Variants in CPXM2 observed in about 807,000 individuals in gnomAD.
CPXM2 encodes inactive carboxypeptidase-like protein X2.
A neutral mutation model predicts 86.1 loss-of-function variants in CPXM2; 66 were observed. That is an observed-to-expected ratio of 0.77 (90% confidence interval 0.63 to 0.94). The LOEUF is 0.94. Among genes scored for constraint, CPXM2 ranks in the 40% least tolerant of loss-of-function variants. The pLI is 0.00. For synonymous variants in CPXM2, 388 were observed against 400.2 expected (o/e 0.97, Z 0.36); for missense variants, 948 against 1,026.3 (o/e 0.92, Z 1.04).
rs1945275485 is a variant in CPXM2 at position 123,891,641 on chromosome 10, C to CA, written c.18_19insT (p.Ala7CysfsTer28). Reference sequence around the variant, plus strand: ...AGCACCAGGGCCAGCGCTGGGGTAGCGGTCCCCGGGCGGGACATGCCTGCT... The same window carrying CA: ...AGCACCAGGGCCAGCGCTGGGGTAGCAGGTCCCCGGGCGGGACATGCCTGCT... On this transcript the variant is annotated frameshift_variant, in exon 1 of 14. Transcript: ENST00000241305. LOFTEE classifies it high-confidence loss of function. The surrounding 1 kb of genome is among the most constrained non-coding windows in gnomAD (Gnocchi z 5.6). The CA allele has an allele frequency of 4.8e-6, 7 of 1,451,622 alleles. No homozygotes were observed. Among genetic ancestry groups the CA allele is most frequent in the Non-Finnish European group, 4.5e-6 (5 of 1,101,580 alleles). 89.9% of individuals were successfully genotyped at this position (1,451,622 alleles called of 1,614,324 possible).
At chr10:123,789,212 C>T (rs2134047406) in intron 6 of CPXM2, among the ~76,000 whole-genome samples, 1 of 152,310 alleles carries the variant, frequency 6.6e-6, no homozygotes, top group East Asian at 1.9e-4. Context: ...GCTGCGGACC[C>T]CCAGGCACAG....
upstream of CPXM2, among the ~76,000 whole-genome samples, chr10:123,892,871 GCAGGCTCCTC>G (rs1344862529): frequency 2.6e-5 from 4 of 152,182 alleles, no homozygotes; most frequent in Non-Finnish European, 5.9e-5. Flanking sequence ...CATGTCTTCT[GCAGGCTCCTC>G]CAGGCCTCTC....
At chr10:123,909,032 C>T (rs773930236) in intron 2 of CPXM2, among the ~76,000 whole-genome samples, 3 of 152,206 alleles carry the variant, frequency 2.0e-5, no homozygotes, top group Non-Finnish European at 2.9e-5. Flanking sequence ...TTGTAATAAC[C>T]TAATGCATTG....
intron 11 of CPXM2, among the ~76,000 whole-genome samples, chr10:123,758,359 C>A (rs902849656): frequency 6.6e-6 from 1 of 152,118 alleles, no homozygotes; most frequent in African/African-American, 2.4e-5. Context: ...ACTCTTGCAG[C>A]TTCTGGGGGC....
intron 3 of CPXM2, among the ~76,000 whole-genome samples, chr10:123,857,695 G>A (rs1277222493): frequency 6.6e-6 from 1 of 152,076 alleles, no homozygotes; most frequent in Non-Finnish European, 1.5e-5. Flanking sequence ...GAGCTGCTGA[G>A]TTGAAGGCTA....
At chr10:123,884,744 C>T (rs913258887) in intron 1 of CPXM2, among the ~76,000 whole-genome samples, 1 of 152,200 alleles carries the variant, frequency 6.6e-6, no homozygotes, top group Non-Finnish European at 1.5e-5. Flanking sequence ...CTCTCTGTCT[C>T]TCTTTCTCTC....
intron 2 of CPXM2, among the ~76,000 whole-genome samples, chr10:123,870,367 G>C (rs79034032): frequency 0.04 from 6,151 of 152,284 alleles, 171 homozygotes; most frequent in East Asian, 0.11. Context: ...CTCAGAGTCC[G>C]AGGCCCTGTA....
chr10:123,869,230 C>T (rs555878342), intron 2 of CPXM2, among the ~76,000 whole-genome samples: 156 of 152,326 alleles, frequency 1.0e-3, no homozygotes, highest in African/African-American at 3.6e-3. Flanking sequence ...CATCCCTCAG[C>T]AGTGTTCTGC....
intron 13 of CPXM2, among the ~76,000 whole-genome samples, chr10:123,748,995 G>A (rs1335692117): frequency 2.6e-5 from 4 of 152,186 alleles, no homozygotes; most frequent in Admixed American, 6.5e-5. Flanking sequence ...CTCAACATGC[G>A]TGCCATTTAT....
At chr10:123,765,505 T>C (rs892352920) in intron 10 of CPXM2, among the ~76,000 whole-genome samples, 3 of 152,254 alleles carry the variant, frequency 2.0e-5, no homozygotes, top group African/African-American at 7.2e-5. Flanking sequence ...GGTCTAAGTG[T>C]TCCCAAAGTA....
intron 2 of CPXM2, among the ~76,000 whole-genome samples, chr10:123,928,598 G>A (rs1157517178): frequency 2.0e-5 from 3 of 152,178 alleles, no homozygotes; most frequent in Non-Finnish European, 4.4e-5. Flanking sequence ...GCTTTGTTCT[G>A]TTAGGACATT....
intron 10 of CPXM2, among the ~76,000 whole-genome samples, chr10:123,763,439 G>A (rs1340403113): frequency 6.6e-6 from 1 of 151,936 alleles, no homozygotes; most frequent in African/African-American, 2.4e-5. Flanking sequence ...CTCCCACTCG[G>A]AGGCACCCAC....
intron 6 of CPXM2, among the ~76,000 whole-genome samples, chr10:123,783,080 G>C (rs941482879): frequency 1.3e-5 from 2 of 152,174 alleles, no homozygotes; most frequent in Non-Finnish European, 2.9e-5. Context: ...ACCTTATATG[G>C]TCTAAAAATG....
At chr10:123,907,929 G>A (rs1032533043) in intron 2 of CPXM2, among the ~76,000 whole-genome samples, 1 of 152,168 alleles carries the variant, frequency 6.6e-6, no homozygotes, top group African/African-American at 2.4e-5. Flanking sequence ...GGGGAAGCAG[G>A]AGGAAGGAAG....
chr10:123,876,825 C>G (rs979941657), intron 2 of CPXM2, among the ~76,000 whole-genome samples: 1 of 152,202 alleles, frequency 6.6e-6, no homozygotes, highest in African/African-American at 2.4e-5. Context: ...GTGTGCTACA[C>G]TGTGCAGACA....
intron 11 of CPXM2, among the ~76,000 whole-genome samples, chr10:123,760,172 G>A (rs577861570): frequency 9.2e-5 from 14 of 152,246 alleles, no homozygotes; most frequent in Admixed American, 3.9e-4. Context: ...GTGCTTGTGC[G>A]GCAGCCAACT....
chr10:123,748,830 G>A (rs762810699), intron 13 of CPXM2, among the ~76,000 whole-genome samples: 22 of 152,074 alleles, frequency 1.4e-4, no homozygotes, highest in Middle Eastern at 3.4e-3. Context: ...TGACAAGCCC[G>A]AGCGAGCCAC....
intron 2 of CPXM2, among the ~76,000 whole-genome samples, chr10:123,869,625 C>T (rs1944857942): frequency 6.6e-6 from 1 of 152,200 alleles, no homozygotes; most frequent in African/African-American, 2.4e-5. Flanking sequence ...CAGCCCCATG[C>T]TCTATTCCTC....
In CPXM2 at chr10:123,788,008, G is replaced by A. The variant is rs1025609423; in HGVS notation, c.890-7753C>T. Among the ~76,000 whole-genome samples the A allele has an allele frequency of 7.9e-5, 12 of 151,856 alleles. No homozygotes were observed. The South Asian group carries it at 1.2e-3, about 16-fold the overall frequency. ...AGAAATGCAAATACAGGCTGAGAGCGGTGGCTCATGCCTGTAATCCTAGCA... is the reference window on the plus strand; with the variant it reads ...AGAAATGCAAATACAGGCTGAGAGCAGTGGCTCATGCCTGTAATCCTAGCA... On this transcript the variant is annotated intron_variant, in intron 6 of 13. Coordinates refer to ENST00000241305, the MANE Select transcript of CPXM2 (RefSeq NM_198148.3).
Sources: allele counts gnomAD v4.1 joint callset (sites outside exome capture counted in the v4.1 genomes callset), GRCh38; gene constraint gnomAD v4.1.1; non-coding constraint Gnocchi (gnomAD v3.1); transcripts MANE v1.5; gene names NCBI Gene and HGNC (gene_info 2026-07-23, HGNC 2026-07-21).